SND1: variants seen among roughly 807,000 people sequenced by gnomAD.
SND1 encodes staphylococcal nuclease domain-containing protein 1.
SND1 carries 38 observed loss-of-function variants against 121.7 expected under a neutral mutation model. The ratio of observed to expected loss-of-function variants is 0.31; its 90% CI spans 0.24 to 0.41. The LOEUF (loss-of-function observed/expected upper bound fraction) is 0.41, where lower values mean the gene tolerates loss of function less well. SND1 is among the 10% of genes least tolerant of loss of function. The pLI is 1.00. For missense variants in SND1, 868 were observed against 1,184.6 expected (o/e 0.73, Z 3.92); for synonymous variants, 401 against 447.4 (o/e 0.90, Z 1.31).
intron 10 of SND1, among the ~76,000 whole-genome samples, chr7:127,736,321 G>T (rs541847719): frequency 1.3e-5 from 2 of 152,066 alleles, no homozygotes; most frequent in East Asian, 1.9e-4. Context: ...GTTAATAATC[G>T]CAAGGCCTTC....
chr7:127,688,117 A>T (rs1402856173), intron 2 of SND1, among the ~76,000 whole-genome samples: 3 of 152,168 alleles, frequency 2.0e-5, no homozygotes, highest in African/African-American at 7.2e-5. Context: ...AAGGGAACTT[A>T]TGGCTCAAAA....
intron 14 of SND1, among the ~76,000 whole-genome samples, chr7:127,916,820 A>AG (rs1270551833): frequency 2.6e-5 from 4 of 152,188 alleles, no homozygotes; most frequent in Non-Finnish European, 4.4e-5. Context: ...GAAGGAAAGC[A>AG]GGGGGGCAGC....
chr7:127,873,786 T>C (rs1799639089), intron 12 of SND1, among the ~76,000 whole-genome samples: 1 of 152,168 alleles, frequency 6.6e-6, no homozygotes, highest in Non-Finnish European at 1.5e-5. Context: ...GTTGGGACTA[T>C]AGGCACATGC....
intron 16 of SND1, among the ~76,000 whole-genome samples, chr7:128,013,107 T>C (rs1225667404): frequency 6.6e-6 from 1 of 152,078 alleles, no homozygotes; most frequent in Non-Finnish European, 1.5e-5. Flanking sequence ...ACATCCAGAC[T>C]CCAAATGAGG....
chr7:127,703,415 A>G (rs1419630361), intron 7 of SND1, 92 bp downstream of exon 7: 1 of 1,440,194 alleles, frequency 6.9e-7, no homozygotes, highest in Non-Finnish European at 9.5e-7. Context: ...TCTGTATTTA[A>G]CATCCATTAA....
At chr7:127,654,424 C>T (rs1264145943) in intron 1 of SND1, among the ~76,000 whole-genome samples, 1 of 152,164 alleles carries the variant, frequency 6.6e-6, no homozygotes, top group Non-Finnish European at 1.5e-5. Context: ...TGAACCCAGG[C>T]CTGTCTGCCA....
chr7:127,673,978 C>T (rs556849304), intron 1 of SND1, among the ~76,000 whole-genome samples: 5 of 151,064 alleles, frequency 3.3e-5, no homozygotes, highest in Admixed American at 6.6e-5. Context: ...AAGAGTTTTC[C>T]TTCCTTCCCT....
intron 1 of SND1, among the ~76,000 whole-genome samples, chr7:127,653,104 A>G (rs762074755): frequency 1.8e-4 from 27 of 152,346 alleles, no homozygotes; most frequent in Admixed American, 3.3e-4. Flanking sequence ...TTAAGGTCAC[A>G]TGGTGGTTTG....
intron 12 of SND1, among the ~76,000 whole-genome samples, chr7:127,844,934 G>T (rs71578245): frequency 6.6e-6 from 1 of 152,174 alleles, no homozygotes; most frequent in African/African-American, 2.4e-5. Context: ...GAGTCTTTCA[G>T]GGGAGATATC....
At chr7:127,901,172 G>C (rs1003528696) in intron 13 of SND1, among the ~76,000 whole-genome samples, 1 of 152,308 alleles carries the variant, frequency 6.6e-6, no homozygotes, top group Admixed American at 6.5e-5. Context: ...GAGAAACTGG[G>C]TTATGTGAGA....
chr7:127,716,071 T>C (rs1487797664), intron 9 of SND1, among the ~76,000 whole-genome samples: 1 of 152,240 alleles, frequency 6.6e-6, no homozygotes, highest in Non-Finnish European at 1.5e-5. Context: ...TTGGTTTGTA[T>C]GTCTGATTTT....
chr7:127,675,833 G>A (rs553914083), intron 1 of SND1, among the ~76,000 whole-genome samples: 2 of 152,324 alleles, frequency 1.3e-5, no homozygotes, highest in East Asian at 1.9e-4. Context: ...TGTCTGCTAT[G>A]TGCGGTTAGT....
At chr7:127,674,423 CCT>C (rs2116273104) in intron 1 of SND1, among the ~76,000 whole-genome samples, 1 of 152,206 alleles carries the variant, frequency 6.6e-6, no homozygotes, top group African/African-American at 2.4e-5. Flanking sequence ...CTGTAACTCT[CCT>C]CTGAGAAACC....
At chr7:127,674,162 G>A (rs989847706) in intron 1 of SND1, among the ~76,000 whole-genome samples, 3 of 149,816 alleles carry the variant, frequency 2.0e-5, no homozygotes, top group South Asian at 2.1e-4. Flanking sequence ...CCCTCCTTCC[G>A]TCCCCACTTG....
intron 10 of SND1, among the ~76,000 whole-genome samples, chr7:127,757,266 A>G (rs77532033): frequency 0.013 from 1,940 of 152,204 alleles, 24 homozygotes; most frequent in Non-Finnish European, 0.016. Flanking sequence ...TTATATCACT[A>G]GTGGTTCTTT....
At chr7:128,056,808 T>G (rs1414255507) in intron 16 of SND1, among the ~76,000 whole-genome samples, 1 of 152,204 alleles carries the variant, frequency 6.6e-6, no homozygotes, top group Non-Finnish European at 1.5e-5. Context: ...TGCATATAAT[T>G]TATACATAAG....
rs557551386 is a variant in SND1, at chr7:128,000,991, A to G, written c.1779+9935A>G. Among the ~76,000 whole-genome samples, 103 of 152,296 alleles carry G rather than the reference A, an allele frequency of 6.8e-4. No homozygotes were observed. The South Asian group carries it at 0.014, about 21-fold the overall frequency. On this transcript the variant is annotated intron_variant, in intron 16 of 23. Transcript: ENST00000354725. ...ACCTTTACCCTGCCCTGTTCTTGCC[A>G]TTAGCATGCCCACTCCCTGTGTCTG...
chr7:127,906,072 A>T (rs1439165942), intron 14 of SND1, among the ~76,000 whole-genome samples: 4 of 152,168 alleles, frequency 2.6e-5, no homozygotes, highest in Non-Finnish European at 5.9e-5. Flanking sequence ...CTCATCTTAA[A>T]CAATGGGACT....
At chr7:127,858,055 A>C in intron 12 of SND1, 1 of 1,245,558 alleles carries the variant, frequency 8.0e-7, no homozygotes, top group Non-Finnish European at 1.2e-6. Flanking sequence ...ATCTCCTGGC[A>C]ACTCTGCTTC....
Sources: allele counts gnomAD v4.1 joint callset (sites outside exome capture counted in the v4.1 genomes callset), GRCh38; gene constraint gnomAD v4.1.1; transcripts MANE v1.5; gene names NCBI Gene and HGNC (gene_info 2026-07-23, HGNC 2026-07-21).